CACNA2D3: variants seen among roughly 807,000 people sequenced by gnomAD.
CACNA2D3 encodes voltage-dependent calcium channel subunit alpha-2/delta-3.
In CACNA2D3, 60 loss-of-function variants were observed where a neutral mutation model predicts 160.6. That is an observed-to-expected ratio of 0.37 (90% CI 0.30 to 0.46). The LOEUF (loss-of-function observed/expected upper bound fraction) is 0.46, where lower values mean the gene tolerates loss of function less well. Among genes scored for constraint, CACNA2D3 ranks in the 20% least tolerant of loss-of-function variants. The pLI, the probability that CACNA2D3 is intolerant of heterozygous loss-of-function variation, is 1.00. For synonymous variants in CACNA2D3, 558 were observed against 492.9 expected (o/e 1.13, Z -1.75); for missense variants, 1,205 against 1,365.0 (o/e 0.88, Z 1.85).
At chr3:54,422,313 G>T (rs1435838996) in intron 4 of CACNA2D3, among the ~76,000 whole-genome samples, 2 of 152,190 alleles carry the variant, frequency 1.3e-5, no homozygotes, top group Non-Finnish European at 2.9e-5. Context: ...CCTAATTGCA[G>T]TAGTGTTAGT....
chr3:54,439,083 C>T (rs1258325874), intron 4 of CACNA2D3, among the ~76,000 whole-genome samples: 1 of 152,194 alleles, frequency 6.6e-6, no homozygotes. Flanking sequence ...GTCTCAAGAG[C>T]AGCAGCTGTA....
chr3:54,288,687 A>T (rs1210028467), intron 2 of CACNA2D3, among the ~76,000 whole-genome samples: 1 of 152,170 alleles, frequency 6.6e-6, no homozygotes, highest in Non-Finnish European at 1.5e-5. Context: ...AATACTGGCA[A>T]ACTGAATCCA....
At chr3:54,816,158 C>G (rs1278876220) in intron 13 of CACNA2D3, among the ~76,000 whole-genome samples, 3 of 152,114 alleles carry the variant, frequency 2.0e-5, no homozygotes, top group Admixed American at 6.5e-5. Context: ...CTTAGAACAT[C>G]AGCTTTACTT....
chr3:54,918,089 G>T (rs1288285457), intron 27 of CACNA2D3: 2 of 183,212 alleles, frequency 1.1e-5, no homozygotes, highest in Non-Finnish European at 2.3e-5. Flanking sequence ...TCCCAGGAAT[G>T]CTGATTGGCA....
intron 14 of CACNA2D3, among the ~76,000 whole-genome samples, chr3:54,817,378 G>A (rs893763531): frequency 1.1e-4 from 17 of 152,098 alleles, no homozygotes; most frequent in African/African-American, 4.1e-4. Context: ...TCTTGCCAAT[G>A]GCCAGACCCT....
In CACNA2D3 at chr3:54,328,073, A is replaced by G. The variant is rs920472840; in HGVS notation, c.321+7515A>G. On this transcript the variant is annotated intron_variant, in intron 3 of 37. Transcript: ENST00000474759. ...AAAGAAACTTTTGTCCATTTATTTG[A>G]TGCATTTATTAGGATGTATTCCTAG... is the stretch of plus-strand genomic sequence containing the variant. 1.8e-4 allele frequency among the ~76,000 whole-genome samples: 27 copies of G among 152,234 alleles called. 1 individual carries two copies. The highest frequency in any genetic ancestry group is 1.5e-5 in the Non-Finnish European group (1 of 68,042).
chr3:54,235,588 C>T (rs888176612), intron 2 of CACNA2D3, among the ~76,000 whole-genome samples: 1 of 152,194 alleles, frequency 6.6e-6, no homozygotes, highest in East Asian at 1.9e-4. Flanking sequence ...GTCCCCTCCC[C>T]TCAGGCCCTG....
At chr3:54,654,211 C>A (rs558202006) in intron 11 of CACNA2D3, among the ~76,000 whole-genome samples, 3 of 151,976 alleles carry the variant, frequency 2.0e-5, no homozygotes, top group Non-Finnish European at 2.9e-5. Context: ...AAAAGTGATT[C>A]GTGGGCTCCA....
chr3:54,717,861 C>G (rs895747084), intron 11 of CACNA2D3, among the ~76,000 whole-genome samples: 1 of 132,258 alleles, frequency 7.6e-6, no homozygotes, highest in African/African-American at 2.9e-5. Flanking sequence ...GGTGTATGTG[C>G]GTGCGTGTGT....
chr3:54,157,128 C>T (rs1700258131), intron 2 of CACNA2D3, among the ~76,000 whole-genome samples: 1 of 152,162 alleles, frequency 6.6e-6, no homozygotes, highest in Admixed American at 6.5e-5. Context: ...TTCTGGCCTG[C>T]AGACAGCCAC....
At chr3:54,224,212 C>T (rs1229940291) in intron 2 of CACNA2D3, among the ~76,000 whole-genome samples, 2 of 152,136 alleles carry the variant, frequency 1.3e-5, no homozygotes, top group African/African-American at 2.4e-5. Context: ...CTGTCATCTC[C>T]TGCGATGATA....
intron 9 of CACNA2D3, among the ~76,000 whole-genome samples, chr3:54,612,727 G>A (rs1698768601): frequency 6.6e-6 from 1 of 152,190 alleles, no homozygotes; most frequent in Non-Finnish European, 1.5e-5. Context: ...TGATAACTGA[G>A]AAAGAGCAAG....
chr3:54,563,213 A>G (rs952956377), intron 6 of CACNA2D3, among the ~76,000 whole-genome samples: 2 of 152,170 alleles, frequency 1.3e-5, no homozygotes, highest in African/African-American at 4.8e-5. Flanking sequence ...TGTAGTGTGA[A>G]CTGTACCTTA....
chr3:54,655,011 C>A (rs1374911303), intron 11 of CACNA2D3, among the ~76,000 whole-genome samples: 1 of 152,214 alleles, frequency 6.6e-6, no homozygotes, highest in African/African-American at 2.4e-5. Context: ...GCCCCAGCGC[C>A]AGTCCCAAGC....
At chr3:54,882,513 CAG>C (rs1419958199) in intron 21 of CACNA2D3, among the ~76,000 whole-genome samples, 2 of 152,180 alleles carry the variant, frequency 1.3e-5, no homozygotes, top group African/African-American at 2.4e-5. Flanking sequence ...TAAGCAGTCA[CAG>C]AGAATTTCAG....
At chr3:54,675,965 G>A (rs1700236504) in intron 11 of CACNA2D3, among the ~76,000 whole-genome samples, 1 of 152,048 alleles carries the variant, frequency 6.6e-6, no homozygotes, top group South Asian at 2.1e-4. Flanking sequence ...GGATCGTTTT[G>A]TCTTCCCTAA....
intron 29 of CACNA2D3, among the ~76,000 whole-genome samples, chr3:54,978,004 T>C (rs1702428715): frequency 6.6e-6 from 1 of 152,196 alleles, no homozygotes; most frequent in African/African-American, 2.4e-5. Context: ...TTCCTGACGT[T>C]GCCATGGCAT....
chr3:54,486,671 A>G (rs1701019912), intron 4 of CACNA2D3, among the ~76,000 whole-genome samples: 1 of 152,164 alleles, frequency 6.6e-6, no homozygotes, highest in South Asian at 2.1e-4. Flanking sequence ...GGCAGCCCAA[A>G]GCAGCAGCAC....
At chr3:54,825,059 A>G (rs767530094) in intron 14 of CACNA2D3, among the ~76,000 whole-genome samples, 4 of 152,108 alleles carry the variant, frequency 2.6e-5, no homozygotes, top group African/African-American at 9.7e-5. Context: ...ACTGTTTTCT[A>G]TTTATTTAAA....
Sources: allele counts gnomAD v4.1 joint callset (sites outside exome capture counted in the v4.1 genomes callset), GRCh38; gene constraint gnomAD v4.1.1; transcripts MANE v1.5; gene names NCBI Gene and HGNC (gene_info 2026-07-23, HGNC 2026-07-21).